Variants in MPPED2 observed in about 807,000 individuals in gnomAD.
The protein encoded by MPPED2 is metallophosphoesterase domain containing 2.
Under a neutral mutation model 33.0 loss-of-function variants are expected in MPPED2, and 5 were observed. That is an observed-to-expected ratio of 0.15 (90% CI 0.08 to 0.32). The LOEUF is 0.32. Ranked by LOEUF, MPPED2 falls within the 10% of genes least tolerant of loss-of-function variation. The pLI is 1.00. For missense variants in MPPED2, 275 were observed against 372.1 expected (o/e 0.74, Z 2.15); for synonymous variants, 136 against 141.9 (o/e 0.96, Z 0.29).
At chr11:30,399,466 A>G (rs1947881128) in intron 6 of MPPED2, among the ~76,000 whole-genome samples, 1 of 152,234 alleles carries the variant, frequency 6.6e-6, no homozygotes, top group South Asian at 2.1e-4. Context: ...TTGGTATTTT[A>G]TCAATACTCT....
At chr11:30,555,559 C>T (rs1448464599) in intron 2 of MPPED2, among the ~76,000 whole-genome samples, 3 of 152,082 alleles carry the variant, frequency 2.0e-5, no homozygotes, top group Non-Finnish European at 2.9e-5. Flanking sequence ...AGGTTTTTCC[C>T]GTGCCCTTCT....
chr11:30,583,127 A>ACTTTTT (rs1564920060), intron 1 of MPPED2, among the ~76,000 whole-genome samples: 12 of 86,962 alleles, frequency 1.4e-4, no homozygotes, highest in African/African-American at 7.2e-4. Flanking sequence ...CCTGGAAAAG[A>ACTTTTT]CTTTTTCTTT....
chr11:30,528,915 A>G (rs1029137041), intron 3 of MPPED2, among the ~76,000 whole-genome samples: 2 of 152,270 alleles, frequency 1.3e-5, no homozygotes, highest in African/African-American at 4.8e-5. Flanking sequence ...TTTTAAAAAT[A>G]CACATCATCT....
At chr11:30,566,166 G>C (rs923640643) in intron 2 of MPPED2, among the ~76,000 whole-genome samples, 1 of 152,172 alleles carries the variant, frequency 6.6e-6, no homozygotes. Context: ...CAGTTGTCAC[G>C]TTCCAGGTAA....
At chr11:30,500,498 T>C (rs1015752692) in intron 3 of MPPED2, among the ~76,000 whole-genome samples, 2 of 152,232 alleles carry the variant, frequency 1.3e-5, no homozygotes, top group Non-Finnish European at 2.9e-5. Flanking sequence ...GGGATAAGAA[T>C]GGGGACTCTG....
At chr11:30,552,736 A>G (rs745627797) in intron 2 of MPPED2, among the ~76,000 whole-genome samples, 1 of 152,082 alleles carries the variant, frequency 6.6e-6, no homozygotes, top group Non-Finnish European at 1.5e-5. Flanking sequence ...AATTTTCTTA[A>G]CCATTTCCCT....
intron 3 of MPPED2, among the ~76,000 whole-genome samples, chr11:30,498,731 T>C (rs1027096177): frequency 6.6e-6 from 1 of 152,190 alleles, no homozygotes; most frequent in Non-Finnish European, 1.5e-5. Flanking sequence ...ACAAATACAA[T>C]ATAAAAGTAT....
At position 30,410,452 on chromosome 11, in the gene MPPED2, A is replaced by C; in HGVS notation, c.*1016T>G. On this transcript the variant is annotated 3_prime_UTR_variant, in exon 7 of 7. Coordinates refer to ENST00000358117, the MANE Select transcript of MPPED2 (RefSeq NM_001584.3). ...GTGCAAAATGGGAGAGGGGAGAGGA[A>C]GTAAGAAGACAACTTGGGGTATTTA... The C allele has an allele frequency of 1.1e-6, 1 of 913,326 alleles. No homozygotes were observed. The highest frequency in any genetic ancestry group is 1.3e-6 in the Non-Finnish European group (1 of 787,494). The allele number at this position is 913,326 out of a possible 1,614,324, so 56.6% of individuals were successfully genotyped here.
chr11:30,466,502 G>A (rs140803878), intron 4 of MPPED2, among the ~76,000 whole-genome samples: 24 of 152,312 alleles, frequency 1.6e-4, no homozygotes, highest in Middle Eastern at 3.4e-3. Context: ...TGGATCCATT[G>A]AGGAAAGGGC....
At chr11:30,406,828 C>T (rs1449450802), downstream of MPPED2, among the ~76,000 whole-genome samples, 1 of 152,210 alleles carries the variant, frequency 6.6e-6, no homozygotes, top group African/African-American at 2.4e-5. Context: ...AAATGCCTCA[C>T]CTCATGGCCA....
intron 6 of MPPED2, chr11:30,389,067 A>T: frequency 7.1e-7 from 1 of 1,402,180 alleles, no homozygotes; most frequent in Non-Finnish European, 9.3e-7. Context: ...ATTCTCATAA[A>T]CAACCCCTCA....
chr11:30,444,614 A>G (rs781240483), intron 4 of MPPED2, among the ~76,000 whole-genome samples: 91 of 152,298 alleles, frequency 6.0e-4, no homozygotes, highest in Admixed American at 8.5e-4. Context: ...ACAAGTTAAG[A>G]CTTAAAAAGA....
chr11:30,434,635 C>G lies in MPPED2; in HGVS notation c.537-17002G>C, dbSNP rs150634507. On this transcript the variant is annotated intron_variant, in intron 4 of 6. Coordinates refer to ENST00000358117, the MANE Select transcript of MPPED2 (RefSeq NM_001584.3). ...AGCTCTTCCTAGTTGCCAGAGTACA[C>G]GGAGATAACACAGTCTAACTCCAAT... Among the ~76,000 whole-genome samples, 3 of 152,246 alleles carry G rather than the reference C, an allele frequency of 2.0e-5. No individual in the cohort carries two copies. The East Asian group carries it at 5.8e-4, about 29-fold the overall frequency.
chr11:30,411,959 T>C (rs963476590), intron 6 of MPPED2, among the ~76,000 whole-genome samples: 5 of 151,942 alleles, frequency 3.3e-5, no homozygotes, highest in African/African-American at 9.7e-5. Flanking sequence ...ATGAGTAATA[T>C]AAGGATTACT....
chr11:30,485,425 A>AATAACATGTGTAACATTTACATGTTACAC (rs1951679835), intron 4 of MPPED2, among the ~76,000 whole-genome samples: 1 of 138,340 alleles, frequency 7.2e-6, no homozygotes, highest in Non-Finnish European at 1.6e-5. Flanking sequence ...TAACAAGGTA[A>AATAACATGTGTAACATTTACATGTTACAC]ATAACATGTG....
chr11:30,583,481 A>G (rs1014486550), intron 1 of MPPED2, among the ~76,000 whole-genome samples: 2 of 152,208 alleles, frequency 1.3e-5, no homozygotes, highest in Non-Finnish European at 2.9e-5. Context: ...AAAATCTAAA[A>G]GGGACTGACA....
intron 3 of MPPED2, among the ~76,000 whole-genome samples, chr11:30,527,311 A>G (rs1010355763): frequency 6.6e-6 from 1 of 152,060 alleles, no homozygotes; most frequent in Non-Finnish European, 1.5e-5. Context: ...TGTTTCAAAA[A>G]ATCAGAAATC....
intron 2 of MPPED2, among the ~76,000 whole-genome samples, chr11:30,564,428 A>T (rs1956357375): frequency 6.6e-6 from 1 of 152,180 alleles, no homozygotes; most frequent in African/African-American, 2.4e-5. Flanking sequence ...AAAGCAGTTG[A>T]TTTAACCTTT....
At chr11:30,463,979 A>G (rs973351982) in intron 4 of MPPED2, among the ~76,000 whole-genome samples, 1 of 152,070 alleles carries the variant, frequency 6.6e-6, no homozygotes, top group African/African-American at 2.4e-5. Context: ...CGCAATACCT[A>G]AAAAACAAAA....
Sources: gnomAD v4.1 joint callset for allele counts (sites outside exome capture counted in the v4.1 genomes callset) on GRCh38, gnomAD v4.1.1 for gene constraint, MANE v1.5 for transcripts, NCBI Gene and HGNC (gene_info 2026-07-23, HGNC 2026-07-21) for gene names.